The following AMPD1 variants were observed in gnomAD, a reference collection of about 807,000 sequenced individuals.
AMPD1 encodes the protein AMP deaminase 1.
In AMPD1, 74 loss-of-function variants were observed where a neutral mutation model predicts 82.9. The observed-to-expected ratio is 0.89, with a 90% CI of 0.74 to 1.08. AMPD1 has a LOEUF of 1.08. AMPD1 is among the 50% of genes least tolerant of loss of function. The pLI, the probability that AMPD1 is intolerant of heterozygous loss-of-function variation, is 0.00. For missense variants in AMPD1, 881 were observed against 924.5 expected, an observed-to-expected ratio of 0.95 and a Z score of 0.61; for synonymous variants, 333 against 320.5, an observed-to-expected ratio of 1.04 and a Z score of -0.42.
intron 5 of AMPD1, among the ~76,000 whole-genome samples, chr1:114,682,223 AG>A (rs1276247108): frequency 6.6e-6 from 1 of 152,178 alleles, no homozygotes; most frequent in Non-Finnish European, 1.5e-5. Context: ...AAAATAGCAT[AG>A]GGAAAAAAAA....
chr1:114,674,880 A>G lies in AMPD1; in HGVS notation c.1680-8T>C. 1 of 1,614,128 alleles carries G rather than the reference A, an allele frequency of 6.2e-7. No individual in the cohort carries two copies. Among genetic ancestry groups the G allele is most frequent in the African/African-American group, 1.3e-5 (1 of 75,040 alleles). ...GTATTCATGCCTCGTTCCCTGGGGA[A>G]ATAGAACTGCTATTGGAATCGCAGG... On this transcript the variant is annotated splice_region_variant and splice_polypyrimidine_tract_variant and intron_variant, in intron 12 of 15. Coordinates refer to ENST00000520113, the MANE Select transcript of AMPD1 (RefSeq NM_000036.3).
chr1:114,678,410 G>C lies in AMPD1; in HGVS notation c.1015C>G (p.Leu339Val). The change falls in exon 8 of 16, where the codon CTG becomes GTG. Residue 339 changes from leucine to valine, a missense_variant. Leu to Val is a conservative substitution (Grantham distance 32). Coordinates refer to ENST00000520113, the MANE Select transcript of AMPD1 (RefSeq NM_000036.3). ...TTAGCAAAAAGTTCCTTTAGGGTCA[G>C]ATTCTTCTCTTTGGTGCTATAGACC... ...RVVYSTKEKNLTLKELFAKLK... is the reference protein window; with the variant it reads ...RVVYSTKEKNVTLKELFAKLK... 1 of 1,614,134 alleles carries C rather than the reference G, an allele frequency of 6.2e-7. No homozygotes were observed. The highest frequency in any genetic ancestry group is 8.5e-7 in the Non-Finnish European group (1 of 1,180,002).
chr1:114,695,377 A>C (rs1467627802), intron 1 of AMPD1, 73 bp downstream of exon 1: 6 of 1,575,678 alleles, frequency 3.8e-6, no homozygotes, highest in Non-Finnish European at 3.4e-6. Context: ...TATGGTAGCT[A>C]AAGGAACAGT....
intron 5 of AMPD1, among the ~76,000 whole-genome samples, chr1:114,680,874 G>A (rs1264104740): frequency 1.3e-5 from 2 of 151,958 alleles, no homozygotes; most frequent in South Asian, 4.2e-4. Context: ...AGGCTGAGGC[G>A]AGAGAATCAT....
Position 114,684,263 on chromosome 1 carries a change from G to A in AMPD1, c.483C>T (p.Thr161=). 1 of 1,614,034 alleles carries A rather than the reference G, an allele frequency of 6.2e-7. No individual in the cohort carries two copies. Among genetic ancestry groups the A allele is most frequent in the Non-Finnish European group, 8.5e-7 (1 of 1,180,016 alleles). The change falls in exon 5 of 16, where the codon ACC becomes ACT. Residue 161 remains threonine (T), a synonymous_variant. Coordinates refer to ENST00000520113, the MANE Select transcript of AMPD1 (RefSeq NM_000036.3). ...CAATGTTCCGCAAGTATTTGGAAGGGGTTTTAGGGAACCTCTGAAACGACT... is the reference window on the plus strand; with the variant it reads ...CAATGTTCCGCAAGTATTTGGAAGGAGTTTTAGGGAACCTCTGAAACGACT... ...MQKSFQRFPK[T]PSKYLRNIDG... is the part of the protein sequence containing the mutation.
intron 1 of AMPD1, among the ~76,000 whole-genome samples, chr1:114,694,343 G>A (rs1658614979): frequency 6.6e-6 from 1 of 152,070 alleles, no homozygotes; most frequent in Non-Finnish European, 1.5e-5. Flanking sequence ...AAAGGTTTGG[G>A]ATACCATGGT....
chr1:114,678,566 G>A (rs1356669298), intron 7 of AMPD1, 39 bp from the exon 8 acceptor site: 2 of 1,563,886 alleles, frequency 1.3e-6, no homozygotes, highest in African/African-American at 1.4e-5. Flanking sequence ...ACATCAATCA[G>A]CCTTAGTTAT....
At chr1:114,679,765 TC>T in intron 6 of AMPD1, 57 bp from the exon 7 acceptor site, 1 of 1,585,590 alleles carries the variant, frequency 6.3e-7, no homozygotes, top group Non-Finnish European at 8.7e-7. Flanking sequence ...AGAAAAACAG[TC>T]ACAATTTCAA....
chr1:114,690,251 C>T (rs1294772177), intron 2 of AMPD1, among the ~76,000 whole-genome samples: 1 of 152,178 alleles, frequency 6.6e-6, no homozygotes, highest in Non-Finnish European at 1.5e-5. Flanking sequence ...TACCCAACCT[C>T]GCTGGCAAGG....
chr1:114,674,189 A>C (rs1458908112), intron 13 of AMPD1, 107 bp from the exon 14 acceptor site: 2 of 1,031,124 alleles, frequency 1.9e-6, no homozygotes, highest in Non-Finnish European at 2.9e-6. Flanking sequence ...CAACAAAATT[A>C]TCACTTGTTC....
chr1:114,693,152 A>T (rs943691725), intron 2 of AMPD1, among the ~76,000 whole-genome samples: 1 of 147,612 alleles, frequency 6.8e-6, no homozygotes, highest in Non-Finnish European at 1.5e-5. Context: ...AAATAAATAA[A>T]TAAATAAATA....
rs6701427 is a variant in AMPD1, at chr1:114,674,265, C to T, written c.1801-183G>A. ...GTAAATGCTATTTAGAATAAATGTA[C>T]TTAGGATACATTAATTTTCAGAAAC... On this transcript the variant is annotated intron_variant, in intron 13 of 15. Coordinates refer to ENST00000520113, the MANE Select transcript of AMPD1 (RefSeq NM_000036.3). Among the ~76,000 whole-genome samples, 133,092 of 152,212 alleles carry T rather than the reference C, an allele frequency of 0.87. 58,718 individuals carry two copies. The highest frequency in any genetic ancestry group is 0.96 in the African/African-American group (39,945 of 41,558).
At chr1:114,674,337 A>G (rs1298370399) in intron 13 of AMPD1, among the ~76,000 whole-genome samples, 1 of 152,230 alleles carries the variant, frequency 6.6e-6, no homozygotes, top group Non-Finnish European at 1.5e-5. Context: ...GGCCTACGTT[A>G]GATGGTCTGT....
At chr1:114,674,603 G>A in intron 13 of AMPD1, 149 bp downstream of exon 13, 1 of 912,466 alleles carries the variant, frequency 1.1e-6, no homozygotes, top group Non-Finnish European at 1.6e-6. Context: ...TCTTTCTGTA[G>A]AATGAACTGC....
At chr1:114,684,495 G>A (rs1193334139) in intron 4 of AMPD1, 131 bp from the exon 5 acceptor site, 1 of 931,520 alleles carries the variant, frequency 1.1e-6, no homozygotes, top group Non-Finnish European at 1.7e-6. Context: ...CCACTCACCT[G>A]GCTGCTTCTT....
At chr1:114,691,498 G>T (rs1336741237) in intron 2 of AMPD1, among the ~76,000 whole-genome samples, 1 of 152,086 alleles carries the variant, frequency 6.6e-6, no homozygotes, top group Non-Finnish European at 1.5e-5. Context: ...AGCCCAGAAG[G>T]TTGAGGCTGC....
chr1:114,688,827 G>A lies in AMPD1; in HGVS notation c.35-86C>T, dbSNP rs1446479283. 7.5e-6 allele frequency: 11 copies of A among 1,460,730 alleles called. No homozygotes were observed. In the Admixed American group the frequency reaches 1.0e-4, roughly 13 times the overall value. The allele number at this position is 1,460,730 out of a possible 1,614,324, so 90.5% of individuals were successfully genotyped here. A position where few individuals can be genotyped will look rare whatever the true frequency, so the allele number is the denominator to read the frequency against. ...CTGCTATGTGTAAGGCATGGGACAA[G>A]GACTGTGCTGCGTGCATGGCTCTCC... On this transcript the variant is annotated intron_variant, in intron 2 of 15. Coordinates refer to ENST00000520113, the MANE Select transcript of AMPD1 (RefSeq NM_000036.3).
At chr1:114,688,915 G>T (rs764084008) in intron 2 of AMPD1, 174 bp from the exon 3 acceptor site, 1 of 784,376 alleles carries the variant, frequency 1.3e-6, no homozygotes, top group Non-Finnish European at 2.3e-6. Flanking sequence ...GGGTTTCTGT[G>T]TGGGTACCTT....
At chr1:114,687,673 G>A (rs17032832) in intron 3 of AMPD1, among the ~76,000 whole-genome samples, 3,348 of 152,178 alleles carry the variant, frequency 0.022, 130 homozygotes, top group African/African-American at 0.076. Context: ...ATCCTAGAGT[G>A]GTTCAAATAA....
Sources: gnomAD v4.1 joint callset for allele counts (sites outside exome capture counted in the v4.1 genomes callset) on GRCh38, gnomAD v4.1.1 for gene constraint, MANE v1.5 for transcripts, NCBI Gene and HGNC (gene_info 2026-07-23, HGNC 2026-07-21) for gene names.